SSH2: variants seen among roughly 807,000 people sequenced by gnomAD.
The protein encoded by SSH2 is slingshot protein phosphatase 2, also known as protein phosphatase Slingshot homolog 2.
SSH2 carries 37 observed loss-of-function variants against 135.2 expected under a neutral mutation model. The ratio of observed to expected loss-of-function variants is 0.27; its 90% CI spans 0.21 to 0.36. The LOEUF (loss-of-function observed/expected upper bound fraction) is 0.36. SSH2 is among the 10% of genes least tolerant of loss of function. The pLI, the probability that SSH2 is intolerant of heterozygous loss-of-function variation, is 1.00. For synonymous variants in SSH2, 628 were observed against 646.2 expected, an observed-to-expected ratio of 0.97 and a Z score of 0.43; for missense variants, 1,408 against 1,765.3, an observed-to-expected ratio of 0.80 and a Z score of 3.63.
intron 1 of SSH2, among the ~76,000 whole-genome samples, chr17:29,927,285 C>A (rs962706925): frequency 6.6e-6 from 1 of 151,990 alleles, no homozygotes; most frequent in East Asian, 1.9e-4. Flanking sequence ...TCTTCTTTTC[C>A]CTCTTACCTT....
At chr17:29,777,904 G>A (rs1342252537) in intron 3 of SSH2, among the ~76,000 whole-genome samples, 1 of 151,664 alleles carries the variant, frequency 6.6e-6, no homozygotes, top group Non-Finnish European at 1.5e-5. Flanking sequence ...GCCAGCAGAT[G>A]GGAACAGTAT....
At chr17:29,732,740 G>A (rs1007956740) in intron 3 of SSH2, among the ~76,000 whole-genome samples, 5 of 152,114 alleles carry the variant, frequency 3.3e-5, no homozygotes, top group African/African-American at 1.2e-4. Context: ...CTCAGCTGAG[G>A]GGAAAAGACA....
At position 29,632,831 on chromosome 17, in the gene SSH2, T is replaced by C; in HGVS notation, c.2363A>G (p.Gln788Arg). The C allele has an allele frequency of 6.2e-7, 1 of 1,614,198 alleles. No individual in the cohort carries two copies. Among genetic ancestry groups the C allele is most frequent in the South Asian group, 1.1e-5 (1 of 91,088 alleles). ...EIVTEIESIS[Q>R]GVGQIQLKGD... ...TTTCAGTTGAATCTGCCCAACTCCT[T>C]GACTGATGGACTCAATTTCAGTGAC... The change falls in exon 16 of 16, where the codon CAA becomes CGA. Residue 788 changes from glutamine (Q) to arginine (R), a missense_variant. Physicochemically the swap from Gln to Arg is conservative, Grantham distance 43. Transcript: ENST00000540801.
intron 14 of SSH2, among the ~76,000 whole-genome samples, chr17:29,643,818 G>A (rs1298833423): frequency 6.6e-6 from 1 of 152,128 alleles, no homozygotes; most frequent in Non-Finnish European, 1.5e-5. Flanking sequence ...TCCAGTCCTG[G>A]AAATTCTATT....
chr17:29,744,230 A>G (rs568426071), intron 3 of SSH2, among the ~76,000 whole-genome samples: 2 of 152,230 alleles, frequency 1.3e-5, no homozygotes, highest in Admixed American at 6.5e-5. Flanking sequence ...GTGGGGATGC[A>G]GGAAGCTGGG....
chr17:29,868,587 A>C (rs2065891696), intron 1 of SSH2, among the ~76,000 whole-genome samples: 3 of 152,022 alleles, frequency 2.0e-5, no homozygotes, highest in Admixed American at 2.0e-4. Flanking sequence ...AAATACAAAA[A>C]ATTAGCTGGG....
At chr17:29,878,815 TG>T (rs2066083677) in intron 1 of SSH2, among the ~76,000 whole-genome samples, 16 of 152,186 alleles carry the variant, frequency 1.1e-4, no homozygotes, top group Admixed American at 1.0e-3. Context: ...TGGTATAATA[TG>T]AAACTCAAGA....
chr17:29,900,353 G>A (rs940651382), intron 1 of SSH2, among the ~76,000 whole-genome samples: 7 of 152,054 alleles, frequency 4.6e-5, no homozygotes, highest in South Asian at 2.1e-4. Context: ...GCAACCTACA[G>A]AATGGGAGAA....
At chr17:29,812,922 C>A (rs1013789558) in intron 2 of SSH2, among the ~76,000 whole-genome samples, 13 of 151,292 alleles carry the variant, frequency 8.6e-5, no homozygotes, top group African/African-American at 3.2e-4. Flanking sequence ...AAAAACCAAC[C>A]ATGCCATATA....
At chr17:29,689,919 C>G (rs1311469830) in intron 5 of SSH2, among the ~76,000 whole-genome samples, 1 of 147,156 alleles carries the variant, frequency 6.8e-6, no homozygotes, top group African/African-American at 2.5e-5. Context: ...GAGGCTGAGT[C>G]GTGAGAATCA....
At chr17:29,691,879 C>T (rs1280379457) in intron 5 of SSH2, among the ~76,000 whole-genome samples, 3 of 151,592 alleles carry the variant, frequency 2.0e-5, no homozygotes, top group African/African-American at 7.3e-5. Flanking sequence ...TGGCTCATGC[C>T]TGTAATCCCA....
chr17:29,686,455 AG>A (rs2038226150), intron 5 of SSH2, among the ~76,000 whole-genome samples: 2 of 143,956 alleles, frequency 1.4e-5, no homozygotes, highest in Non-Finnish European at 3.0e-5. Flanking sequence ...TCCACCTCCC[AG>A]GTTCAAGCAA....
chr17:29,859,471 C>T (rs981561862), intron 1 of SSH2, among the ~76,000 whole-genome samples: 5 of 152,122 alleles, frequency 3.3e-5, no homozygotes, highest in Non-Finnish European at 5.9e-5. Flanking sequence ...CTGGTAGGCC[C>T]TGGTGTCTGT....
chr17:29,661,334 C>A (rs1235669182), intron 11 of SSH2, among the ~76,000 whole-genome samples: 1 of 152,146 alleles, frequency 6.6e-6, no homozygotes, highest in Non-Finnish European at 1.5e-5. Context: ...AGAGGATAGA[C>A]AAACGTTTGT....
At chr17:29,674,958 G>T (rs1194103628) in intron 8 of SSH2, among the ~76,000 whole-genome samples, 1 of 151,946 alleles carries the variant, frequency 6.6e-6, no homozygotes, top group Admixed American at 6.6e-5. Context: ...CTTGATTTAA[G>T]GTTATTACTT....
chr17:29,676,475 G>C (rs1409508244), intron 8 of SSH2: 1 of 202,474 alleles, frequency 4.9e-6, no homozygotes, highest in African/African-American at 2.4e-5. Context: ...CTAATGCATA[G>C]CAATGTGATG....
At chr17:29,887,083 C>T (rs139593486) in intron 1 of SSH2, among the ~76,000 whole-genome samples, 16 of 152,214 alleles carry the variant, frequency 1.1e-4, no homozygotes, top group South Asian at 4.2e-4. Flanking sequence ...GCTCTCCTAT[C>T]GAGCCAATGT....
intron 1 of SSH2, among the ~76,000 whole-genome samples, chr17:29,851,736 A>C (rs1244126684): frequency 6.6e-6 from 1 of 152,044 alleles, no homozygotes; most frequent in Non-Finnish European, 1.5e-5. Context: ...GTATGGTGGC[A>C]CACCTCTGTA....
At chr17:29,920,239 G>C (rs1169971389) in intron 1 of SSH2, among the ~76,000 whole-genome samples, 1 of 152,206 alleles carries the variant, frequency 6.6e-6, no homozygotes, top group African/African-American at 2.4e-5. Context: ...TAGGAAGGCA[G>C]TGCTGCACAG....
Sources: gnomAD v4.1 joint callset for allele counts (sites outside exome capture counted in the v4.1 genomes callset) on GRCh38, gnomAD v4.1.1 for gene constraint, MANE v1.5 for transcripts, NCBI Gene and HGNC (gene_info 2026-07-23, HGNC 2026-07-21) for gene names.